MALRD1: variants seen among roughly 807,000 people sequenced by gnomAD.
The protein encoded by MALRD1 is MAM and LDL receptor class A domain containing 1.
A neutral mutation model predicts 242.1 loss-of-function variants in MALRD1; 247 were observed. The observed-to-expected ratio is 1.02, with a 90% CI of 0.92 to 1.13. MALRD1 has a LOEUF of 1.13. Ranked by LOEUF, MALRD1 falls within the 50% of genes most tolerant of loss-of-function variation. MALRD1 has a pLI of 0.00. For synonymous variants in MALRD1, 995 were observed against 866.6 expected (o/e 1.15, Z -2.60); for missense variants, 2,989 against 2,533.1 (o/e 1.18, Z -3.86).
intron 29 of MALRD1, among the ~76,000 whole-genome samples, chr10:19,467,111 T>C: frequency 6.6e-6 from 1 of 151,822 alleles, no homozygotes; most frequent in East Asian, 1.9e-4. Flanking sequence ...TCCCAGCACT[T>C]TGGGAGGCTG....
At chr10:19,056,340 T>C (rs1327321904) in intron 1 of MALRD1, among the ~76,000 whole-genome samples, 2 of 152,132 alleles carry the variant, frequency 1.3e-5, no homozygotes, top group Non-Finnish European at 2.9e-5. Context: ...TACATTTTCA[T>C]GTAATTGTGT....
intron 36 of MALRD1, among the ~76,000 whole-genome samples, chr10:19,625,463 G>C (rs936330992): frequency 6.6e-6 from 1 of 151,812 alleles, no homozygotes; most frequent in African/African-American, 2.4e-5. Context: ...ATCCTCTCTA[G>C]AACATTCCCT....
chr10:19,450,250 T>C, intron 28 of MALRD1, 57 bp from the exon 29 acceptor site: 1 of 1,441,652 alleles, frequency 6.9e-7, no homozygotes, highest in Admixed American at 2.3e-5. Context: ...TGCCCCACAC[T>C]GCATCATCTT....
intron 31 of MALRD1, among the ~76,000 whole-genome samples, chr10:19,515,376 T>G (rs1351096484): frequency 6.6e-6 from 1 of 152,060 alleles, no homozygotes; most frequent in Admixed American, 6.5e-5. Flanking sequence ...CATAGTACAC[T>G]TTTTTTGGTA....
intron 34 of MALRD1, among the ~76,000 whole-genome samples, chr10:19,597,705 A>T (rs575675505): frequency 9.2e-5 from 14 of 152,168 alleles, no homozygotes; most frequent in Admixed American, 8.5e-4. Context: ...TACATTAGTG[A>T]AGGAGGCTAG....
chr10:19,713,203 T>C (rs1346033936), intron 38 of MALRD1, among the ~76,000 whole-genome samples: 1 of 152,114 alleles, frequency 6.6e-6, no homozygotes, highest in Non-Finnish European at 1.5e-5. Context: ...AAAAGACACA[T>C]AAAATATTAG....
intron 14 of MALRD1, among the ~76,000 whole-genome samples, chr10:19,193,504 G>A (rs146920593): frequency 2.1e-3 from 314 of 152,246 alleles, no homozygotes; most frequent in African/African-American, 6.2e-3. Context: ...GCATTGAGCC[G>A]TGATCATGCC....
At chr10:19,445,587 C>T (rs1834926731) in intron 28 of MALRD1, among the ~76,000 whole-genome samples, 1 of 152,222 alleles carries the variant, frequency 6.6e-6, no homozygotes. Context: ...CCCTGTTTAC[C>T]TGGGTATCAC....
chr10:19,523,208 G>C (rs1833955913), intron 31 of MALRD1, among the ~76,000 whole-genome samples: 1 of 152,170 alleles, frequency 6.6e-6, no homozygotes, highest in African/African-American at 2.4e-5. Context: ...GGTAGAGTCA[G>C]GATGCAAATC....
chr10:19,533,508 A>G (rs199898446), intron 32 of MALRD1, among the ~76,000 whole-genome samples: 5 of 152,190 alleles, frequency 3.3e-5, no homozygotes, highest in Non-Finnish European at 7.3e-5. Flanking sequence ...TATAAAGGAA[A>G]TGGGTTTAAT....
At chr10:19,282,149 A>G (rs773199616) in intron 20 of MALRD1, among the ~76,000 whole-genome samples, 207 of 152,244 alleles carry the variant, frequency 1.4e-3, no homozygotes, top group Admixed American at 2.3e-3. Flanking sequence ...CAAATTATAT[A>G]TTTTAAATGA....
rs534678342 is a variant in MALRD1 at position 19,296,800 on chromosome 10, A to G, written c.3419+13619A>G. Among the ~76,000 whole-genome samples, 11 of 152,092 alleles carry G rather than the reference A, an allele frequency of 7.2e-5. 1 individual carries two copies. In the South Asian group the frequency reaches 2.3e-3, roughly 31 times the overall value. On this transcript the variant is annotated intron_variant, in intron 21 of 39. Transcript: ENST00000454679. Reference sequence around the variant, plus strand: ...GATTGAAGCAATTGTTAATTATGTTATACTTGTTCTCTTTGAAAAGACATT... The same window carrying G: ...GATTGAAGCAATTGTTAATTATGTTGTACTTGTTCTCTTTGAAAAGACATT...
At chr10:19,475,790 T>C (rs1201198199) in intron 29 of MALRD1, among the ~76,000 whole-genome samples, 1 of 152,220 alleles carries the variant, frequency 6.6e-6, no homozygotes, top group African/African-American at 2.4e-5. Context: ...TCTATGTCAA[T>C]AATAGACAAG....
In MALRD1 at chr10:19,203,749, C is replaced by G; in HGVS notation, c.1973C>G (p.Ala658Gly). The G allele has an allele frequency of 6.5e-7, 1 of 1,537,930 alleles. No individual in the cohort carries two copies. The highest frequency in any genetic ancestry group is 8.8e-7 in the Non-Finnish European group (1 of 1,138,062). Residue 658 changes from alanine (A) to glycine (G), a missense_variant, in exon 15 of 40, where the codon GCA becomes GGA. By Grantham distance (60) the Ala-to-Gly change is moderately conservative (BLOSUM62 0). Transcript: ENST00000454679. ...QSKFSKCDFE[A>G]NSCDWFEAIS... is the part of the protein sequence containing the mutation. ...TCAGTTTCCAAGTGTGACTTTGAAG[C>G]AAACAGCTGTGATTGGTTTGAAGCA...
At position 19,366,174 on chromosome 10, in the gene MALRD1, T is replaced by C. The variant is rs149022516; in HGVS notation, c.4441+13877T>C. Among the ~76,000 whole-genome samples the C allele has an allele frequency of 2.7e-3, 412 of 151,960 alleles. 1 individual carries two copies. Among genetic ancestry groups the C allele is most frequent in the Non-Finnish European group, 5.0e-3 (343 of 67,962 alleles). ...ATATGTAATGAAATAAACATGCAAC[T>C]TACCATAATGTAGAATCAATGGGAG... On this transcript the variant is annotated intron_variant, in intron 26 of 39. Coordinates refer to ENST00000454679, the MANE Select transcript of MALRD1 (RefSeq NM_001142308.3).
chr10:19,136,461 G>T, intron 9 of MALRD1, 113 bp from the exon 10 acceptor site: 1 of 518,408 alleles, frequency 1.9e-6, no homozygotes, highest in Non-Finnish European at 3.0e-6. Context: ...ATATTGCCTT[G>T]GTTGCTTTAA....
chr10:19,430,764 G>T (rs1033497292), intron 28 of MALRD1, among the ~76,000 whole-genome samples: 1 of 152,116 alleles, frequency 6.6e-6, no homozygotes, highest in African/African-American at 2.4e-5. Flanking sequence ...GTTTCATTAT[G>T]TGTCCTCACC....
intron 23 of MALRD1, 120 bp from the exon 24 acceptor site, chr10:19,331,249 A>G (rs1843351719): frequency 2.2e-6 from 2 of 914,468 alleles, no homozygotes; most frequent in East Asian, 5.3e-5. Context: ...AAACAAAAAC[A>G]AAAACAAAAA....
chr10:19,366,305 C>T (rs922336558), intron 26 of MALRD1, among the ~76,000 whole-genome samples: 1 of 151,822 alleles, frequency 6.6e-6, no homozygotes, highest in Non-Finnish European at 1.5e-5. Flanking sequence ...CAACCTAGAT[C>T]CCTTGCATGC....
Sources: gnomAD v4.1 joint callset for allele counts (sites outside exome capture counted in the v4.1 genomes callset) on GRCh38, gnomAD v4.1.1 for gene constraint, MANE v1.5 for transcripts, NCBI Gene and HGNC (gene_info 2026-07-23, HGNC 2026-07-21) for gene names.